MTUS2: variants seen among roughly 807,000 people sequenced by gnomAD.
MTUS2 encodes the protein microtubule-associated tumor suppressor candidate 2.
A neutral mutation model predicts 114.1 loss-of-function variants in MTUS2; 40 were observed. That is an observed-to-expected ratio of 0.35 (90% CI 0.27 to 0.46). MTUS2 has a LOEUF of 0.46. Ranked by LOEUF, MTUS2 falls within the 20% of genes least tolerant of loss-of-function variation. The pLI is 1.00. For missense variants in MTUS2, 1,679 were observed against 1,705.4 expected (o/e 0.98, Z 0.27); for synonymous variants, 688 against 672.0 (o/e 1.02, Z -0.37).
chr13:29,299,044 G>T (rs1899074831), intron 6 of MTUS2, among the ~76,000 whole-genome samples: 1 of 152,210 alleles, frequency 6.6e-6, no homozygotes, highest in South Asian at 2.1e-4. Context: ...AGAAGAGTTT[G>T]TAGGAGAATA....
chr13:29,071,946 G>A (rs1363430293), intron 4 of MTUS2: 2 of 152,248 alleles, frequency 1.3e-5, no homozygotes, highest in Non-Finnish European at 2.9e-5. Context: ...GATGGTGGGT[G>A]GGGGTATATA....
chr13:29,340,193 G>A lies in MTUS2; in HGVS notation c.2905+15482G>A, dbSNP rs1297672929. Among the ~76,000 whole-genome samples the A allele has an allele frequency of 3.3e-5, 5 of 152,282 alleles. 1 individual carries two copies. The South Asian group carries it at 6.2e-4, about 19-fold the overall frequency. ...GAGGGCAGCACCCAGATGATCTGGG[G>A]GACGAGGGAAGCTCAAGCCTCCCTC... On this transcript the variant is annotated intron_variant, in intron 7 of 15. Transcript: ENST00000612955.
chr13:29,483,564 T>C (rs975663818), intron 10 of MTUS2, among the ~76,000 whole-genome samples: 13 of 152,140 alleles, frequency 8.5e-5, no homozygotes, highest in African/African-American at 3.1e-4. Flanking sequence ...TCCCAGGGAA[T>C]TTCTGTGTAC....
chr13:28,941,689 T>A (rs1882246966), intron 2 of MTUS2, among the ~76,000 whole-genome samples: 1 of 151,990 alleles, frequency 6.6e-6, no homozygotes, highest in African/African-American at 2.4e-5. Flanking sequence ...AGGACTATTT[T>A]AATAGCTTCT....
chr13:29,451,993 T>A lies in MTUS2; in HGVS notation c.3184+11944T>A, dbSNP rs1878716090. ...ACTAGGTCTGGGAATTACCTGCCCC[T>A]CTTATAGGAAAATAATATCAGTTCT... On this transcript the variant is annotated intron_variant, in intron 9 of 15. Coordinates refer to ENST00000612955, the MANE Select transcript of MTUS2 (RefSeq NM_001033602.4). 2.0e-5 allele frequency among the ~76,000 whole-genome samples: 3 copies of A among 152,192 alleles called. No individual in the cohort carries two copies. In the South Asian group the frequency reaches 6.2e-4, roughly 31 times the overall value.
intron 6 of MTUS2, among the ~76,000 whole-genome samples, chr13:29,315,502 GA>G (rs1234142001): frequency 2.0e-5 from 3 of 152,126 alleles, no homozygotes; most frequent in Non-Finnish European, 4.4e-5. Flanking sequence ...TGCAAAGAAT[GA>G]AAAGGAAAAA....
chr13:29,403,853 C>T (rs1874543249), intron 8 of MTUS2, among the ~76,000 whole-genome samples: 1 of 152,044 alleles, frequency 6.6e-6, no homozygotes, highest in Non-Finnish European at 1.5e-5. Context: ...ATCTCCCTAC[C>T]TATCTATCTG....
rs1213090368 is a variant in MTUS2, at chr13:29,183,278, A to G, written c.2644+82308A>G. On this transcript the variant is annotated intron_variant, in intron 5 of 15. Transcript: ENST00000612955. ...TGAGAGAGAGAGAGAGAGAGAGTCA[A>G]GGAAGTCAACGATGATGACCAGGGT... 2.0e-5 allele frequency among the ~76,000 whole-genome samples: 3 copies of G among 151,422 alleles called. No individual in the cohort carries two copies. The East Asian group carries it at 5.8e-4, about 29-fold the overall frequency.
intron 2 of MTUS2, among the ~76,000 whole-genome samples, chr13:28,883,820 G>T (rs1878432829): frequency 6.6e-6 from 1 of 152,070 alleles, no homozygotes; most frequent in Non-Finnish European, 1.5e-5. Context: ...AACCAAAATT[G>T]TAGTGAGATA....
At position 28,828,615 on chromosome 13, in the gene MTUS2, GT is replaced by G. The variant is rs539587663; in HGVS notation, c.-316+8005del. Among the ~76,000 whole-genome samples, 456 of 152,160 alleles carry G rather than the reference GT, an allele frequency of 3.0e-3. 1 individual carries two copies. Among genetic ancestry groups the G allele is most frequent in the Non-Finnish European group, 5.0e-3 (341 of 67,996 alleles). On this transcript the variant is annotated intron_variant, in intron 1 of 15. Coordinates refer to ENST00000612955, the MANE Select transcript of MTUS2 (RefSeq NM_001033602.4). ...TGTTCTTCTGCCATGGCTTCAGCCG[GT>G]CCCTCCGTTCGGGGTCCCTGACTTC...
intron 2 of MTUS2, among the ~76,000 whole-genome samples, chr13:28,901,698 G>T (rs1223261454): frequency 6.6e-6 from 1 of 152,092 alleles, no homozygotes; most frequent in Non-Finnish European, 1.5e-5. Context: ...TGGGTTCTCT[G>T]CTGTGTTCCA....
At chr13:28,973,391 C>CA (rs1033332054) in intron 2 of MTUS2, among the ~76,000 whole-genome samples, 2 of 152,108 alleles carry the variant, frequency 1.3e-5, no homozygotes, top group Non-Finnish European at 2.9e-5. Flanking sequence ...TTTATATATG[C>CA]AGGTGCACTG....
At chr13:29,444,360 C>T (rs1248034652) in intron 9 of MTUS2, among the ~76,000 whole-genome samples, 3 of 152,120 alleles carry the variant, frequency 2.0e-5, no homozygotes, top group South Asian at 2.1e-4. Context: ...ACCCGGAAGG[C>T]GGAGAGGTGA....
chr13:28,944,027 C>T (rs536210308), intron 2 of MTUS2, among the ~76,000 whole-genome samples: 15 of 151,920 alleles, frequency 9.9e-5, no homozygotes, highest in Admixed American at 3.9e-4. Context: ...TAGATTTTTA[C>T]GTAGGCAAGT....
chr13:29,008,037 C>G (rs1885675898), intron 2 of MTUS2, among the ~76,000 whole-genome samples: 2 of 152,148 alleles, frequency 1.3e-5, no homozygotes, highest in South Asian at 2.1e-4. Context: ...GAAACATCCC[C>G]CCCACTGGAG....
At chr13:29,263,040 A>C (rs1321199570) in intron 5 of MTUS2, among the ~76,000 whole-genome samples, 1 of 152,208 alleles carries the variant, frequency 6.6e-6, no homozygotes, top group East Asian at 1.9e-4. Context: ...GCCATTTAAC[A>C]AAAGAGGATT....
chr13:29,072,254 G>A (rs556634631), intron 4 of MTUS2: 14 of 152,206 alleles, frequency 9.2e-5, no homozygotes, highest in African/African-American at 3.4e-4. Flanking sequence ...GTAAATGTTG[G>A]TTGTTATTTT....
intron 4 of MTUS2, among the ~76,000 whole-genome samples, chr13:29,074,867 A>G (rs1432895312): frequency 6.6e-6 from 1 of 152,198 alleles, no homozygotes; most frequent in Non-Finnish European, 1.5e-5. Context: ...TATAATTCAC[A>G]TATTTCACTA....
chr13:28,994,192 G>A (rs1287813689), intron 2 of MTUS2, among the ~76,000 whole-genome samples: 1 of 151,984 alleles, frequency 6.6e-6, no homozygotes, highest in Non-Finnish European at 1.5e-5. Flanking sequence ...TAGAATGATG[G>A]TTTCCAGCTT....
Sources: gnomAD v4.1 joint callset for allele counts (sites outside exome capture counted in the v4.1 genomes callset) on GRCh38, gnomAD v4.1.1 for gene constraint, MANE v1.5 for transcripts, NCBI Gene and HGNC (gene_info 2026-07-23, HGNC 2026-07-21) for gene names.